Variants in GPC5 observed in about 807,000 individuals in gnomAD.
The protein encoded by GPC5 is glypican-5.
Under a neutral mutation model 53.9 loss-of-function variants are expected in GPC5, and 47 were observed. The observed-to-expected ratio is 0.87, with a 90% CI of 0.69 to 1.11. GPC5 has a LOEUF of 1.11. Among genes scored for constraint, GPC5 ranks in the 50% most tolerant of loss-of-function variants. The pLI, the probability that GPC5 is intolerant of heterozygous loss-of-function variation, is 0.00. For synonymous variants in GPC5, 286 were observed against 263.3 expected (o/e 1.09, Z -0.84); for missense variants, 748 against 713.1 (o/e 1.05, Z -0.56).
intron 7 of GPC5, among the ~76,000 whole-genome samples, chr13:92,665,060 T>C (rs913213430): frequency 3.3e-5 from 5 of 152,136 alleles, no homozygotes; most frequent in East Asian, 1.9e-4. Flanking sequence ...TTCATCACCA[T>C]ATGATGAAAA....
At chr13:91,650,749 A>ATTTTTTTTTTTTTTTTTTTTTTTTT (rs1594380934) in intron 2 of GPC5, among the ~76,000 whole-genome samples, 1 of 67,068 alleles carries the variant, frequency 1.5e-5, no homozygotes, top group South Asian at 5.6e-4. Flanking sequence ...AATTCCCATA[A>ATTTTTTTTTTTTTTTTTTTTTTTTT]GTTTTTTTTT....
At chr13:91,566,701 G>A (rs1215663998) in intron 2 of GPC5, among the ~76,000 whole-genome samples, 2 of 152,066 alleles carry the variant, frequency 1.3e-5, no homozygotes, top group Non-Finnish European at 2.9e-5. Flanking sequence ...GAGAAACATA[G>A]CAGACTAATA....
chr13:91,754,432 A>C (rs2037245487), intron 4 of GPC5, among the ~76,000 whole-genome samples: 1 of 152,116 alleles, frequency 6.6e-6, no homozygotes, highest in South Asian at 2.1e-4. Context: ...TTTCTCTATG[A>C]GGATCTATTG....
At chr13:92,817,819 T>G (rs888265867) in intron 7 of GPC5, among the ~76,000 whole-genome samples, 1 of 151,930 alleles carries the variant, frequency 6.6e-6, no homozygotes, top group Admixed American at 6.6e-5. Context: ...ACCACATTAG[T>G]TAATCATAAG....
At chr13:91,553,167 G>A (rs1357708809) in intron 2 of GPC5, among the ~76,000 whole-genome samples, 2 of 140,698 alleles carry the variant, frequency 1.4e-5, no homozygotes, top group Admixed American at 7.2e-5. Flanking sequence ...GTCAGGCTGG[G>A]TAAATGAGTT....
intron 7 of GPC5, among the ~76,000 whole-genome samples, chr13:92,465,946 A>G (rs905454410): frequency 6.6e-6 from 1 of 151,874 alleles, no homozygotes; most frequent in Admixed American, 6.6e-5. Flanking sequence ...AATGGTGGTT[A>G]CCAGAGGATG....
chr13:91,524,408 C>T (rs986726157), intron 2 of GPC5, among the ~76,000 whole-genome samples: 6 of 152,022 alleles, frequency 3.9e-5, no homozygotes, highest in African/African-American at 1.2e-4. Context: ...AATTTCATTT[C>T]AACTAATGAA....
intron 7 of GPC5, among the ~76,000 whole-genome samples, chr13:92,859,074 C>A (rs1262437567): frequency 6.6e-6 from 1 of 151,984 alleles, no homozygotes; most frequent in Non-Finnish European, 1.5e-5. Flanking sequence ...ACCCCCATCT[C>A]TACAAAAAAC....
In GPC5 at chr13:91,570,410, A is replaced by G. The variant is rs76600694; in HGVS notation, c.325+121488A>G. Among the ~76,000 whole-genome samples, 1,128 of 152,300 alleles carry G rather than the reference A, an allele frequency of 7.4e-3. 13 individuals carry two copies. Among genetic ancestry groups the G allele is most frequent in the African/African-American group, 0.026 (1,071 of 41,570 alleles). On this transcript the variant is annotated intron_variant, in intron 2 of 7. Transcript: ENST00000377067. ...TGAAGTTTTGGATTTGAGATGCTCA[A>G]CTGGTATATCTGAAAAAAGGTTCAA...
At chr13:92,262,425 T>C (rs1391174633) in intron 7 of GPC5, among the ~76,000 whole-genome samples, 1 of 152,188 alleles carries the variant, frequency 6.6e-6, no homozygotes, top group Admixed American at 6.6e-5. Flanking sequence ...TAATGTTGGG[T>C]TAAGACCTGA....
At chr13:91,516,803 A>G (rs1379361896) in intron 2 of GPC5, among the ~76,000 whole-genome samples, 2 of 152,132 alleles carry the variant, frequency 1.3e-5, no homozygotes, top group African/African-American at 4.8e-5. Flanking sequence ...CATCATCTGA[A>G]ATCTAGGCAG....
At chr13:92,613,617 TTTTA>T (rs908493546) in intron 7 of GPC5, among the ~76,000 whole-genome samples, 64 of 135,804 alleles carry the variant, frequency 4.7e-4, no homozygotes, top group Non-Finnish European at 7.2e-4. Flanking sequence ...TATTTTATTA[TTTTA>T]TTTATTATAT....
At chr13:92,089,310 T>C (rs778420190) in intron 6 of GPC5, among the ~76,000 whole-genome samples, 5 of 151,942 alleles carry the variant, frequency 3.3e-5, no homozygotes, top group Non-Finnish European at 7.4e-5. Context: ...GGCGGGCGGC[T>C]GTAGTCCCAG....
chr13:92,245,911 G>A (rs2042647189), intron 7 of GPC5, among the ~76,000 whole-genome samples: 1 of 151,660 alleles, frequency 6.6e-6, no homozygotes, highest in Admixed American at 6.6e-5. Flanking sequence ...TGTCTTAACT[G>A]GGCATTCTCT....
In GPC5 at chr13:92,312,827, C is replaced by T. The variant is rs188208003; in HGVS notation, c.1561+167838C>T. Among the ~76,000 whole-genome samples, 299 of 152,116 alleles carry T rather than the reference C, an allele frequency of 2.0e-3. 2 individuals carry two copies. Among genetic ancestry groups the T allele is most frequent in the African/African-American group, 6.0e-3 (251 of 41,510 alleles). On this transcript the variant is annotated intron_variant, in intron 7 of 7. Coordinates refer to ENST00000377067, the MANE Select transcript of GPC5 (RefSeq NM_004466.6). ...ACATTTTTGAAATTTTTTTCCAGTT[C>T]TTGATTATAATGTCTAATACATAAG...
intron 3 of GPC5, among the ~76,000 whole-genome samples, chr13:91,711,749 C>G (rs576873277): frequency 6.6e-6 from 1 of 152,248 alleles, no homozygotes; most frequent in South Asian, 2.1e-4. Flanking sequence ...AAATGCTACT[C>G]TGAGGTACAT....
At chr13:91,739,530 A>T (rs2036884321) in intron 4 of GPC5, among the ~76,000 whole-genome samples, 1 of 151,394 alleles carries the variant, frequency 6.6e-6, no homozygotes, top group Non-Finnish European at 1.5e-5. Flanking sequence ...GCTGTCAAGA[A>T]GGCAGCTAGG....
intron 6 of GPC5, among the ~76,000 whole-genome samples, chr13:92,047,822 A>G (rs981850597): frequency 1.3e-5 from 2 of 150,376 alleles, no homozygotes; most frequent in African/African-American, 4.9e-5. Flanking sequence ...AAAAAAAAAA[A>G]AAAAAGAAAA....
At chr13:91,669,121 A>G (rs1346704504) in intron 2 of GPC5, among the ~76,000 whole-genome samples, 1 of 152,192 alleles carries the variant, frequency 6.6e-6, no homozygotes, top group African/African-American at 2.4e-5. Flanking sequence ...AAAGATCATG[A>G]AATATGGTTC....
Sources: gnomAD v4.1 joint callset for allele counts (sites outside exome capture counted in the v4.1 genomes callset) on GRCh38, gnomAD v4.1.1 for gene constraint, MANE v1.5 for transcripts, NCBI Gene and HGNC (gene_info 2026-07-23, HGNC 2026-07-21) for gene names.